The following MYO1E variants were observed in gnomAD, a reference collection of about 807,000 sequenced individuals.
The protein encoded by MYO1E is unconventional myosin-Ie.
In MYO1E, 68 loss-of-function variants were observed where a neutral mutation model predicts 151.1. The ratio of observed to expected loss-of-function variants is 0.45; its 90% CI spans 0.37 to 0.55. The LOEUF is 0.55. MYO1E is among the 20% of genes least tolerant of loss of function. The probability of loss-of-function intolerance (pLI) is 0.00; values close to 1 mark genes in which losing one functional copy is unlikely to be tolerated. For synonymous variants in MYO1E, 601 were observed against 501.7 expected (o/e 1.20, Z -2.64); for missense variants, 1,363 against 1,389.3 (o/e 0.98, Z 0.30).
At position 59,136,529 on chromosome 15, in the gene MYO1E, G is replaced by A. The variant is rs1325091677; in HGVS notation, c.*851C>T. The A allele has an allele frequency of 3.1e-6, 1 of 321,868 alleles. No homozygotes were observed. The highest frequency in any genetic ancestry group is 6.2e-6 in the Non-Finnish European group (1 of 160,162). The allele number at this position is 321,868 out of a possible 1,614,324, so 19.9% of individuals were successfully genotyped here. On this transcript the variant is annotated 3_prime_UTR_variant, in exon 28 of 28. Coordinates refer to ENST00000288235, the MANE Select transcript of MYO1E (RefSeq NM_004998.4). ...TCTTTAAGTACCTGGTGTGAGTTTT[G>A]TAAGAAAACCTACCTTATGAATGAG...
chr15:59,227,480 C>G lies in MYO1E; in HGVS notation c.621G>C (p.Arg207=). 6.2e-7 allele frequency: 1 copy of G among 1,614,114 alleles called. No homozygotes were observed. The highest frequency in any genetic ancestry group is 1.1e-5 in the South Asian group (1 of 91,080). The change falls in exon 7 of 28, where the codon CGG becomes CGC. Residue 207 remains arginine (R), a synonymous_variant. Coordinates refer to ENST00000288235, the MANE Select transcript of MYO1E (RefSeq NM_004998.4). ...AAACCTGGTAAAATATGTGAAAACT[C>G]CGCTCTCCTGGGTTCCTCATCACCA... ...SRVVMRNPGE[R]SFHIFYQLIE... is the part of the protein sequence containing the mutation.
intron 1 of MYO1E, among the ~76,000 whole-genome samples, chr15:59,367,639 G>A (rs1019542294): frequency 9.2e-5 from 14 of 152,220 alleles, no homozygotes; most frequent in African/African-American, 3.4e-4. Context: ...AGGTGTGGAT[G>A]TATGGATAAA....
At chr15:59,326,013 G>T (rs59830077) in intron 1 of MYO1E, among the ~76,000 whole-genome samples, 4,906 of 152,192 alleles carry the variant, frequency 0.032, 255 homozygotes, top group African/African-American at 0.11. Flanking sequence ...ATGGGAATAG[G>T]AAGAGGGAAG....
At chr15:59,286,805 C>A (rs1567003296) in intron 1 of MYO1E, among the ~76,000 whole-genome samples, 1 of 152,182 alleles carries the variant, frequency 6.6e-6, no homozygotes, top group African/African-American at 2.4e-5. Context: ...GGCACCATGT[C>A]CCTCTTGGGG....
At chr15:59,202,678 T>G (rs1203058972) in intron 15 of MYO1E, among the ~76,000 whole-genome samples, 2 of 152,202 alleles carry the variant, frequency 1.3e-5, no homozygotes. Flanking sequence ...CCAACGTCCC[T>G]AGTCACAGGA....
At chr15:59,191,326 C>CAGAGAGAGAGAG (rs2079731565) in intron 17 of MYO1E, among the ~76,000 whole-genome samples, 1 of 85,790 alleles carries the variant, frequency 1.2e-5, no homozygotes, top group African/African-American at 8.4e-5. Context: ...GTCAGACAGA[C>CAGAGAGAGAGAG]AGAGACAGAG....
chr15:59,228,799 C>G (rs1401293902), intron 6 of MYO1E, among the ~76,000 whole-genome samples: 1 of 152,152 alleles, frequency 6.6e-6, no homozygotes. Flanking sequence ...GCTGTAAACT[C>G]ATTAAGGGCA....
chr15:59,351,404 T>C (rs2080822434), intron 1 of MYO1E, among the ~76,000 whole-genome samples: 4 of 152,208 alleles, frequency 2.6e-5, no homozygotes, highest in Admixed American at 2.0e-4. Flanking sequence ...GAACAAGGCA[T>C]GTAGGCTGCC....
chr15:59,173,619 T>C, intron 21 of MYO1E, 127 bp downstream of exon 21: 3 of 1,163,190 alleles, frequency 2.6e-6, no homozygotes, highest in South Asian at 1.3e-5. Context: ...TTTGGTTTAC[T>C]GTATTTTCTC....
chr15:59,198,360 A>G (rs935793357), intron 16 of MYO1E, among the ~76,000 whole-genome samples: 2 of 152,178 alleles, frequency 1.3e-5, no homozygotes, highest in African/African-American at 4.8e-5. Context: ...TCTACCTTCA[A>G]CAGAGATGAC....
Position 59,138,325 on chromosome 15 carries a change from G to A in MYO1E, c.3123C>T (p.Gly1041=). 6 of 1,614,214 alleles carry A rather than the reference G, an allele frequency of 3.7e-6. No individual in the cohort carries two copies. Among genetic ancestry groups the A allele is most frequent in the Non-Finnish European group, 4.2e-6 (5 of 1,180,032 alleles). The change falls in exon 27 of 28, where the codon GGC becomes GGT. Residue 1041 remains glycine (G), a synonymous_variant. Coordinates refer to ENST00000288235, the MANE Select transcript of MYO1E (RefSeq NM_004998.4). ...QTTSRPPPAG[G]RPKPQPKPKP... ...TGGGCTTGGGCTGGGGCTTGGGTCT[G>A]CCCCCTGCTGGGGGAGGCCGACTGG...
rs1596370437 is a variant in MYO1E at position 59,217,080 on chromosome 15, G to A, written c.1107+811C>T. Among the ~76,000 whole-genome samples the A allele has an allele frequency of 2.0e-5, 3 of 152,094 alleles. No homozygotes were observed. In the East Asian group the frequency reaches 5.8e-4, roughly 29 times the overall value. ...AGCCAGATCCTCCAACCCTAGGCAA[G>A]CCTTCAGACAACCACAGTTCCAATC... On this transcript the variant is annotated intron_variant, in intron 10 of 27. Coordinates refer to ENST00000288235, the MANE Select transcript of MYO1E (RefSeq NM_004998.4).
intron 2 of MYO1E, among the ~76,000 whole-genome samples, chr15:59,265,360 A>T (rs567326769): frequency 6.6e-6 from 1 of 152,336 alleles, no homozygotes; most frequent in Admixed American, 6.5e-5. Context: ...ATATGAATTC[A>T]GTTGCATATG....
intron 4 of MYO1E, among the ~76,000 whole-genome samples, chr15:59,247,314 T>C (rs1326529723): frequency 6.6e-6 from 1 of 152,176 alleles, no homozygotes; most frequent in African/African-American, 2.4e-5. Flanking sequence ...TGTCCTATGG[T>C]ATATGGTAGC....
chr15:59,226,838 G>A (rs1329017671), intron 7 of MYO1E, among the ~76,000 whole-genome samples: 2 of 152,084 alleles, frequency 1.3e-5, no homozygotes, highest in African/African-American at 4.8e-5. Context: ...AAAAGTAGCT[G>A]ACTCAGATGA....
intron 2 of MYO1E, among the ~76,000 whole-genome samples, chr15:59,266,170 C>T (rs1299813234): frequency 2.6e-5 from 4 of 152,162 alleles, no homozygotes; most frequent in Non-Finnish European, 5.9e-5. Context: ...CACCTGTGCT[C>T]TCCTGCTGCT....
At chr15:59,291,450 C>T (rs1475440054) in intron 1 of MYO1E, among the ~76,000 whole-genome samples, 1 of 152,056 alleles carries the variant, frequency 6.6e-6, no homozygotes, top group Non-Finnish European at 1.5e-5. Context: ...GTTTAAGATA[C>T]AGAAGTAGCT....
intron 26 of MYO1E, among the ~76,000 whole-genome samples, chr15:59,145,302 ACAGGCTTAGTC>A (rs1406382346): frequency 6.6e-6 from 1 of 152,192 alleles, no homozygotes; most frequent in African/African-American, 2.4e-5. Context: ...CTGTGCCAGA[ACAGGCTTAGTC>A]CAGCTTGCGA....
chr15:59,162,660 A>G (rs11637260), intron 23 of MYO1E, among the ~76,000 whole-genome samples: 4,558 of 61,476 alleles, frequency 0.074, 81 homozygotes, highest in African/African-American at 0.12. Context: ...AAAAAAAAAG[A>G]AAAAAAAAAA....
Sources: gnomAD v4.1 joint callset for allele counts (sites outside exome capture counted in the v4.1 genomes callset) on GRCh38, gnomAD v4.1.1 for gene constraint, MANE v1.5 for transcripts, NCBI Gene and HGNC (gene_info 2026-07-23, HGNC 2026-07-21) for gene names.